The following GPC6 variants were observed in gnomAD, a reference collection of about 807,000 sequenced individuals.
GPC6 encodes the protein glypican-6.
Under a neutral mutation model 55.2 loss-of-function variants are expected in GPC6, and 14 were observed. The observed-to-expected ratio is 0.25, with a 90% CI of 0.17 to 0.40. The LOEUF is 0.40. Ranked by LOEUF, GPC6 falls within the 10% of genes least tolerant of loss-of-function variation. The pLI is 1.00. For synonymous variants in GPC6, 278 were observed against 259.6 expected (o/e 1.07, Z -0.68); for missense variants, 641 against 708.5 (o/e 0.90, Z 1.08).
chr13:93,441,232 A>G (rs1384605676), intron 1 of GPC6, among the ~76,000 whole-genome samples: 1 of 152,060 alleles, frequency 6.6e-6, no homozygotes, highest in Non-Finnish European at 1.5e-5. Flanking sequence ...GCTGGGTCAA[A>G]TGGTATTTCT....
chr13:93,383,765 C>T (rs1040353442), intron 1 of GPC6, among the ~76,000 whole-genome samples: 18 of 151,300 alleles, frequency 1.2e-4, no homozygotes, highest in African/African-American at 4.4e-4. Context: ...ACTGAATACA[C>T]TTTGAGTTTT....
At chr13:93,708,324 C>T (rs1344674985) in intron 2 of GPC6, among the ~76,000 whole-genome samples, 1 of 151,510 alleles carries the variant, frequency 6.6e-6, no homozygotes, top group African/African-American at 2.4e-5. Flanking sequence ...TTTTTTATCC[C>T]TGGGATGTTT....
chr13:93,752,707 C>G (rs1485511918), intron 2 of GPC6, among the ~76,000 whole-genome samples: 1 of 152,050 alleles, frequency 6.6e-6, no homozygotes, highest in Non-Finnish European at 1.5e-5. Flanking sequence ...TGCTGTCATC[C>G]CCACAGGACC....
At chr13:93,364,653 G>C (rs572166187) in intron 1 of GPC6, among the ~76,000 whole-genome samples, 1 of 150,990 alleles carries the variant, frequency 6.6e-6, no homozygotes, top group African/African-American at 2.4e-5. Context: ...TCTCCTTGTA[G>C]TGGGGTCAGG....
At chr13:93,291,361 A>C (rs563620481) in intron 1 of GPC6, among the ~76,000 whole-genome samples, 1 of 152,076 alleles carries the variant, frequency 6.6e-6, no homozygotes, top group Non-Finnish European at 1.5e-5. Flanking sequence ...TCTATATTTA[A>C]GTGTGGTTAT....
At chr13:93,854,307 T>C (rs879483916) in intron 3 of GPC6, among the ~76,000 whole-genome samples, 10 of 151,726 alleles carry the variant, frequency 6.6e-5, no homozygotes, top group Non-Finnish European at 1.5e-5. Flanking sequence ...TATTTATTGA[T>C]CCAAGCTACC....
At chr13:94,381,733 A>G (rs1258746885) in intron 6 of GPC6, among the ~76,000 whole-genome samples, 2 of 152,198 alleles carry the variant, frequency 1.3e-5, no homozygotes, top group Non-Finnish European at 1.5e-5. Context: ...CCCTTTCTGC[A>G]AGTGAAAAGT....
At chr13:93,823,457 C>G (rs1213224944) in intron 2 of GPC6, among the ~76,000 whole-genome samples, 1 of 151,942 alleles carries the variant, frequency 6.6e-6, no homozygotes, top group Non-Finnish European at 1.5e-5. Flanking sequence ...TATCTGCAAA[C>G]TAGATAAACT....
chr13:93,688,089 C>A (rs1383352203), intron 2 of GPC6, among the ~76,000 whole-genome samples: 1 of 152,010 alleles, frequency 6.6e-6, no homozygotes, highest in African/African-American at 2.4e-5. Context: ...ATTCCCAATT[C>A]ATTCTTTAGA....
chr13:93,261,101 C>G (rs1380295493), intron 1 of GPC6, among the ~76,000 whole-genome samples: 2 of 152,068 alleles, frequency 1.3e-5, no homozygotes, highest in Non-Finnish European at 2.9e-5. Context: ...AGAGATATTA[C>G]CATGTCTTTG....
chr13:94,224,293 C>T (rs1033593147), intron 4 of GPC6, among the ~76,000 whole-genome samples: 8 of 145,608 alleles, frequency 5.5e-5, no homozygotes, highest in Non-Finnish European at 1.5e-5. Context: ...ATCAAATATA[C>T]AAGGGGACTT....
chr13:93,700,680 T>G (rs1882636724), intron 2 of GPC6, among the ~76,000 whole-genome samples: 1 of 152,118 alleles, frequency 6.6e-6, no homozygotes. Context: ...TACTTTTACT[T>G]TTGTGTTATC....
At chr13:93,654,683 G>A (rs1008678093) in intron 2 of GPC6, among the ~76,000 whole-genome samples, 3 of 152,032 alleles carry the variant, frequency 2.0e-5, no homozygotes, top group African/African-American at 4.8e-5. Context: ...AAATTTCAAC[G>A]TGGCAAATTA....
At chr13:93,232,004 C>G (rs554289443) in intron 1 of GPC6, among the ~76,000 whole-genome samples, 3 of 152,046 alleles carry the variant, frequency 2.0e-5, no homozygotes, top group Admixed American at 6.6e-5. Context: ...TTTCACTGAT[C>G]TTTGCCCAGT....
At chr13:94,398,443 T>C (rs1425069373) in intron 7 of GPC6, 23 bp from the exon 8 acceptor site, 1 of 1,585,738 alleles carries the variant, frequency 6.3e-7, no homozygotes, top group African/African-American at 1.3e-5. Context: ...CCCTGAGGTG[T>C]TCTCTCACTC....
chr13:94,224,929 T>A (rs1378198516), intron 4 of GPC6, among the ~76,000 whole-genome samples: 1 of 152,164 alleles, frequency 6.6e-6, no homozygotes, highest in East Asian at 1.9e-4. Flanking sequence ...AAAGGCATGC[T>A]TCATCTCCTG....
chr13:94,343,781 G>T (rs1421421711), intron 6 of GPC6, among the ~76,000 whole-genome samples: 1 of 152,106 alleles, frequency 6.6e-6, no homozygotes, highest in South Asian at 2.1e-4. Context: ...CCAGCCTGGA[G>T]TTCAGTGGTG....
chr13:94,390,637 A>C (rs996863915), intron 7 of GPC6, among the ~76,000 whole-genome samples: 3 of 152,198 alleles, frequency 2.0e-5, no homozygotes, highest in African/African-American at 7.2e-5. Flanking sequence ...ACCCACCCCC[A>C]TGATCCAATC....
intron 1 of GPC6, among the ~76,000 whole-genome samples, chr13:93,360,074 A>G (rs1462430154): frequency 6.6e-6 from 1 of 152,164 alleles, no homozygotes; most frequent in Non-Finnish European, 1.5e-5. Context: ...GAAAATGTCT[A>G]GTTCCTAGAG....
Sources: allele counts gnomAD v4.1 joint callset (sites outside exome capture counted in the v4.1 genomes callset), GRCh38; gene constraint gnomAD v4.1.1; transcripts MANE v1.5; gene names NCBI Gene and HGNC (gene_info 2026-07-23, HGNC 2026-07-21).